KCNG2: variants seen among roughly 807,000 people sequenced by gnomAD.
The protein encoded by KCNG2 is voltage-gated potassium channel regulatory subunit KCNG2.
A neutral mutation model predicts 12.3 loss-of-function variants in KCNG2; 7 were observed. The ratio of observed to expected loss-of-function variants is 0.57; its 90% CI spans 0.32 to 1.07. KCNG2 has a LOEUF of 1.07. Among genes scored for constraint, KCNG2 ranks in the 50% least tolerant of loss-of-function variants. The pLI is 0.04. For synonymous variants in KCNG2, 414 were observed against 351.4 expected (o/e 1.18, Z -1.99); for missense variants, 703 against 726.0 (o/e 0.97, Z 0.36).
At chr18:79,898,091 C>T (rs1371053786) in intron 3 of KCNG2, among the ~76,000 whole-genome samples, 1 of 152,204 alleles carries the variant, frequency 6.6e-6, no homozygotes. Flanking sequence ...TCAGCACACG[C>T]ATGAATCCTA....
At chr18:79,896,959 G>A (rs1980998072) in intron 3 of KCNG2, among the ~76,000 whole-genome samples, 1 of 152,086 alleles carries the variant, frequency 6.6e-6, no homozygotes, top group South Asian at 2.1e-4. Context: ...GTTTATTTGT[G>A]AACTTCCCTT....
At chr18:79,879,073 G>T (rs1339416827) in intron 3 of KCNG2, among the ~76,000 whole-genome samples, 2 of 152,244 alleles carry the variant, frequency 1.3e-5, no homozygotes, top group African/African-American at 2.4e-5. Context: ...GCTCCTGGAG[G>T]GTGGTAGCGT....
Position 79,872,289 on chromosome 18 carries a change from T to TTTTTG in KCNG2, c.624+8002_624+8003insGTTTT, listed in dbSNP as rs1303926074. On this transcript the variant is annotated intron_variant, in intron 3 of 3. Transcript: ENST00000316249. ...AAGCTTCAAAGCTTCAGTTTTTTTT[T>TTTTTG]TTTTTTTTTTTTTTGAGATGGAGTC... 2.3e-5 allele frequency among the ~76,000 whole-genome samples: 3 copies of TTTTTG among 133,068 alleles called. 1 individual carries two copies. The highest frequency in any genetic ancestry group is 1.5e-4 in the Admixed American group (2 of 13,296). 87.3% of individuals were successfully genotyped at this position (133,068 alleles called of 152,430 possible). A position where few individuals can be genotyped will look rare whatever the true frequency, so the allele number is the denominator to read the frequency against.
At chr18:79,809,908 G>A (rs2122993535) in intron 1 of KCNG2, among the ~76,000 whole-genome samples, 1 of 152,304 alleles carries the variant, frequency 6.6e-6, no homozygotes, top group Non-Finnish European at 1.5e-5. Flanking sequence ...CTATCGTGAC[G>A]CTCCAACTTT....
intron 3 of KCNG2, among the ~76,000 whole-genome samples, chr18:79,876,906 G>T (rs1980095226): frequency 6.6e-6 from 1 of 152,242 alleles, no homozygotes; most frequent in Non-Finnish European, 1.5e-5. Context: ...AGCCAGGGGA[G>T]GGTGAGAGGA....
At chr18:79,812,900 G>A (rs1192426803) in intron 1 of KCNG2, among the ~76,000 whole-genome samples, 2 of 152,120 alleles carry the variant, frequency 1.3e-5, no homozygotes, top group Non-Finnish European at 2.9e-5. Context: ...GCTCATGCCT[G>A]TAATTCCAGC....
intron 1 of KCNG2, among the ~76,000 whole-genome samples, chr18:79,832,885 A>G (rs915613955): frequency 4.6e-5 from 7 of 152,144 alleles, no homozygotes; most frequent in Admixed American, 3.3e-4. Context: ...AGCCCCTGGC[A>G]CCTTAAGGTA....
At chr18:79,878,889 C>G (rs1430156940) in intron 3 of KCNG2, among the ~76,000 whole-genome samples, 1 of 152,188 alleles carries the variant, frequency 6.6e-6, no homozygotes, top group African/African-American at 2.4e-5. Flanking sequence ...GTGGGAGATG[C>G]CGGCAGCCCA....
intron 1 of KCNG2, among the ~76,000 whole-genome samples, chr18:79,841,023 C>G (rs956722733): frequency 3.3e-5 from 5 of 152,160 alleles, no homozygotes; most frequent in African/African-American, 9.7e-5. Flanking sequence ...AATTCCAGCA[C>G]TTCTGGAGGT....
chr18:79,884,867 C>T lies in KCNG2; in HGVS notation c.625-14173C>T, dbSNP rs115213399. ...CCATTCACAGAAACACAGTAGCGTG[C>T]GCGGGTCGGTGATGCAGCCAAGACA... On this transcript the variant is annotated intron_variant, in intron 3 of 3. Transcript: ENST00000316249. This position sits in a 1 kb window ranked among gnomAD's most constrained non-coding sequence, Gnocchi z 5.5. Among the ~76,000 whole-genome samples the T allele has an allele frequency of 0.011, 1,688 of 152,232 alleles. 22 individuals carry two copies. Among genetic ancestry groups the T allele is most frequent in the African/African-American group, 0.035 (1,468 of 41,540 alleles).
At chr18:79,820,610 G>T (rs1246496908) in intron 1 of KCNG2, among the ~76,000 whole-genome samples, 1 of 151,892 alleles carries the variant, frequency 6.6e-6, no homozygotes, top group East Asian at 1.9e-4. Context: ...TGTTCAAATG[G>T]GTACAATGTA....
At chr18:79,857,275 TG>T (rs1013850851) in intron 2 of KCNG2, among the ~76,000 whole-genome samples, 2 of 150,012 alleles carry the variant, frequency 1.3e-5, no homozygotes, top group Admixed American at 1.3e-4. Context: ...GCAGCGAACT[TG>T]GCGCTGAAGG....
At chr18:79,891,795 T>C (rs940785227) in intron 3 of KCNG2, among the ~76,000 whole-genome samples, 1 of 152,254 alleles carries the variant, frequency 6.6e-6, no homozygotes, top group Admixed American at 6.5e-5. Flanking sequence ...GTATATGTCC[T>C]GTTCTGGAGT....
rs559312713 is a variant in KCNG2, at chr18:79,806,302, G to A, written c.-115+8288G>A. 3.9e-3 allele frequency among the ~76,000 whole-genome samples: 589 copies of A among 151,666 alleles called. 3 individuals carry two copies. The highest frequency in any genetic ancestry group is 5.9e-3 in the Non-Finnish European group (399 of 67,878). ...TGGTCTCAGGCAAGGCCGCTGTGTC[G>A]GGGGTCGGGGCATGGGGCCATCGGG... On this transcript the variant is annotated intron_variant, in intron 1 of 3. Coordinates refer to ENST00000316249, the MANE Select transcript of KCNG2 (RefSeq NM_012283.2).
intron 3 of KCNG2, among the ~76,000 whole-genome samples, chr18:79,898,400 A>G (rs1294730274): frequency 6.6e-6 from 1 of 152,160 alleles, no homozygotes; most frequent in Non-Finnish European, 1.5e-5. Flanking sequence ...AGTGTGCCAC[A>G]CCCAAGGCCA....
intron 1 of KCNG2, among the ~76,000 whole-genome samples, chr18:79,802,123 G>A (rs1246763739): frequency 6.6e-6 from 1 of 152,254 alleles, no homozygotes; most frequent in Non-Finnish European, 1.5e-5. Context: ...TTCATACACT[G>A]TGCAGTTAGT....
intron 3 of KCNG2, among the ~76,000 whole-genome samples, chr18:79,866,762 GTT>G (rs879457586): frequency 0.096 from 3,169 of 33,126 alleles, 70 homozygotes; most frequent in Non-Finnish European, 0.21. Context: ...TGAGGTCTGT[GTT>G]CTGAGAGGTC....
At chr18:79,807,653 A>C (rs2087460563) in intron 1 of KCNG2, among the ~76,000 whole-genome samples, 1 of 152,124 alleles carries the variant, frequency 6.6e-6, no homozygotes, top group East Asian at 1.9e-4. Context: ...CGCTGAAGAA[A>C]CAAGTCCAGC....
chr18:79,898,202 ACTTC>A (rs1213272309), intron 3 of KCNG2, among the ~76,000 whole-genome samples: 2 of 152,214 alleles, frequency 1.3e-5, no homozygotes, highest in Admixed American at 6.5e-5. Context: ...AGAAGAGATT[ACTTC>A]CTTCATCTCC....
Sources: gnomAD v4.1 joint callset for allele counts (sites outside exome capture counted in the v4.1 genomes callset) on GRCh38, gnomAD v4.1.1 for gene constraint, Gnocchi (gnomAD v3.1) non-coding constraint, MANE v1.5 for transcripts, NCBI Gene and HGNC (gene_info 2026-07-23, HGNC 2026-07-21) for gene names.